The following SBF2 variants were observed in gnomAD, a reference collection of about 807,000 sequenced individuals.
SBF2 encodes myotubularin-related protein 13.
A neutral mutation model predicts 225.2 loss-of-function variants in SBF2; 112 were observed. The ratio of observed to expected loss-of-function variants is 0.50; its 90% CI spans 0.43 to 0.58. The LOEUF (loss-of-function observed/expected upper bound fraction) is 0.58. Ranked by LOEUF, SBF2 falls within the 20% of genes least tolerant of loss-of-function variation. The pLI, the probability that SBF2 is intolerant of heterozygous loss-of-function variation, is 0.00. For synonymous variants in SBF2, 763 were observed against 773.3 expected (o/e 0.99, Z 0.22); for missense variants, 1,996 against 2,206.2 (o/e 0.90, Z 1.91).
chr11:10,181,128 G>A (rs1956719302), intron 2 of SBF2, among the ~76,000 whole-genome samples: 1 of 151,952 alleles, frequency 6.6e-6, no homozygotes, highest in Admixed American at 6.6e-5. Flanking sequence ...GGAATCTAGG[G>A]CTTAGTCTAT....
intron 16 of SBF2, among the ~76,000 whole-genome samples, chr11:9,938,100 G>A: frequency 6.6e-6 from 1 of 151,970 alleles, no homozygotes; most frequent in Non-Finnish European, 1.5e-5. Flanking sequence ...GACCATCCTG[G>A]TTAACACAGT....
chr11:10,069,159 T>C (rs1490680470), intron 2 of SBF2, among the ~76,000 whole-genome samples: 2 of 152,214 alleles, frequency 1.3e-5, no homozygotes, highest in Non-Finnish European at 2.9e-5. Context: ...TAAAAATAAC[T>C]AATTTTGATT....
At chr11:10,077,712 T>C (rs1248305158) in intron 2 of SBF2, among the ~76,000 whole-genome samples, 4 of 152,194 alleles carry the variant, frequency 2.6e-5, no homozygotes, top group Non-Finnish European at 5.9e-5. Context: ...CAATACCATG[T>C]AGCACATAGG....
chr11:9,821,074 C>G (rs147634831), intron 28 of SBF2, among the ~76,000 whole-genome samples: 2 of 152,288 alleles, frequency 1.3e-5, no homozygotes, highest in Admixed American at 6.5e-5. Context: ...GAGAAAGGCA[C>G]AGACCTTTCT....
At position 9,958,626 on chromosome 11, in the gene SBF2, G is replaced by A. The variant is rs527963611; in HGVS notation, c.1860+3331C>T. The A allele has an allele frequency of 3.4e-5, 8 of 232,138 alleles. No individual in the cohort carries two copies. The South Asian group carries it at 4.4e-4, about 13-fold the overall frequency. The allele number at this position is 232,138 out of a possible 1,614,324, so 14.4% of individuals were successfully genotyped here. A position where few individuals can be genotyped will look rare whatever the true frequency, so the allele number is the denominator to read the frequency against. On this transcript the variant is annotated intron_variant, in intron 16 of 39. Transcript: ENST00000256190. ...GCCCGCCTCGGCCTCCCAAAGTGCT[G>A]GGATTACAGGCGTGAGCATCCTTTC... is the stretch of plus-strand genomic sequence containing the variant.
At chr11:9,904,659 C>T (rs1360928407) in intron 16 of SBF2, among the ~76,000 whole-genome samples, 1 of 152,312 alleles carries the variant, frequency 6.6e-6, no homozygotes, top group Non-Finnish European at 1.5e-5. Flanking sequence ...CTAATGGACA[C>T]TGCACTTTCT....
chr11:9,791,251 TAGTC>T (rs1852720930), intron 33 of SBF2: 1 of 152,214 alleles, frequency 6.6e-6, no homozygotes, highest in Admixed American at 6.5e-5. Flanking sequence ...CTTTTTCAAA[TAGTC>T]AATCTATTAC....
chr11:10,113,677 T>C (rs1952987659), intron 2 of SBF2, among the ~76,000 whole-genome samples: 1 of 152,108 alleles, frequency 6.6e-6, no homozygotes, highest in Non-Finnish European at 1.5e-5. Flanking sequence ...TAGGTAGAGA[T>C]GTGTGGTAAA....
At chr11:9,804,064 G>C (rs920446934) in intron 32 of SBF2, among the ~76,000 whole-genome samples, 8 of 152,028 alleles carry the variant, frequency 5.3e-5, no homozygotes, top group African/African-American at 1.9e-4. Flanking sequence ...AGGACCCCAG[G>C]TCCTTTCCCA....
At chr11:9,816,356 G>A (rs531390112) in intron 29 of SBF2, among the ~76,000 whole-genome samples, 39 of 152,272 alleles carry the variant, frequency 2.6e-4, no homozygotes, top group African/African-American at 8.4e-4. Flanking sequence ...TTTAACAAGT[G>A]TTACTCAGAA....
At chr11:9,870,931 G>A (rs1241496392) in intron 17 of SBF2, among the ~76,000 whole-genome samples, 1 of 147,852 alleles carries the variant, frequency 6.8e-6, no homozygotes, top group Non-Finnish European at 1.5e-5. Flanking sequence ...CCGAGATCAC[G>A]CCACTGCACT....
intron 1 of SBF2, among the ~76,000 whole-genome samples, chr11:10,288,277 G>A (rs1963930128): frequency 6.6e-6 from 1 of 152,186 alleles, no homozygotes; most frequent in Admixed American, 6.5e-5. Context: ...TCTGTGACCA[G>A]GAAGAATGAG....
Position 10,279,246 on chromosome 11 carries a change from T to C in SBF2, c.55+14769A>G, listed in dbSNP as rs367790751. ...GGCCAACATGGTGAAACCCCATCTCTACTAAAAATACAAAAACTTAGCCGG... is the reference window on the plus strand; with the variant it reads ...GGCCAACATGGTGAAACCCCATCTCCACTAAAAATACAAAAACTTAGCCGG... On this transcript the variant is annotated intron_variant, in intron 1 of 39. Coordinates refer to ENST00000256190, the MANE Select transcript of SBF2 (RefSeq NM_030962.4). Among the ~76,000 whole-genome samples, 5 of 150,714 alleles carry C rather than the reference T, an allele frequency of 3.3e-5. No homozygotes were observed. The South Asian group carries it at 6.5e-4, about 19-fold the overall frequency.
intron 16 of SBF2, among the ~76,000 whole-genome samples, chr11:9,919,837 T>C (rs1158607814): frequency 2.0e-5 from 3 of 152,118 alleles, no homozygotes; most frequent in Non-Finnish European, 2.9e-5. Context: ...GTTCAAGTAA[T>C]TCTCCTGCCT....
At chr11:10,055,835 T>C (rs1950237507) in intron 2 of SBF2, among the ~76,000 whole-genome samples, 2 of 152,190 alleles carry the variant, frequency 1.3e-5, no homozygotes, top group African/African-American at 4.8e-5. Flanking sequence ...CATAGTACAC[T>C]ATCTTGGTAA....
upstream of SBF2, among the ~76,000 whole-genome samples, chr11:10,296,179 G>T (rs78248048): frequency 5.7e-3 from 866 of 152,114 alleles, 12 homozygotes; most frequent in African/African-American, 0.019. Flanking sequence ...TTAGTATATT[G>T]TTCTCAGCTT....
chr11:10,112,083 G>A (rs1345175117), intron 2 of SBF2, among the ~76,000 whole-genome samples: 3 of 152,168 alleles, frequency 2.0e-5, no homozygotes, highest in Non-Finnish European at 4.4e-5. Context: ...AATAAGACCA[G>A]CCATGAACTA....
intron 13 of SBF2, among the ~76,000 whole-genome samples, chr11:9,980,648 G>A (rs1013888817): frequency 1.3e-5 from 2 of 151,424 alleles, no homozygotes; most frequent in African/African-American, 4.9e-5. Flanking sequence ...GTGCAGTGGC[G>A]AGATCTCGGC....
At chr11:10,158,446 G>T (rs1054844509) in intron 2 of SBF2, among the ~76,000 whole-genome samples, 1 of 152,006 alleles carries the variant, frequency 6.6e-6, no homozygotes, top group Non-Finnish European at 1.5e-5. Flanking sequence ...GCCAGACTAG[G>T]AAAAGAGAAG....
Sources: allele counts gnomAD v4.1 joint callset (sites outside exome capture counted in the v4.1 genomes callset), GRCh38; gene constraint gnomAD v4.1.1; transcripts MANE v1.5; gene names NCBI Gene and HGNC (gene_info 2026-07-23, HGNC 2026-07-21).